Variants in UROC1 observed in about 807,000 individuals in gnomAD.
UROC1 encodes the protein urocanate hydratase.
In UROC1, 79 loss-of-function variants were observed where a neutral mutation model predicts 89.5. The observed-to-expected ratio is 0.88, with a 90% CI of 0.74 to 1.06. The LOEUF is 1.06. Ranked by LOEUF, UROC1 falls within the 50% of genes least tolerant of loss-of-function variation. The probability of loss-of-function intolerance (pLI) is 0.00; values close to 1 mark genes in which losing one functional copy is unlikely to be tolerated. For synonymous variants in UROC1, 361 were observed against 354.8 expected, an observed-to-expected ratio of 1.02 and a Z score of -0.20; for missense variants, 885 against 907.8, an observed-to-expected ratio of 0.97 and a Z score of 0.32.
At chr3:126,498,275 G>T in intron 13 of UROC1, 103 bp from the exon 14 acceptor site, 3 of 1,593,314 alleles carry the variant, frequency 1.9e-6, no homozygotes, top group Non-Finnish European at 2.6e-6. Context: ...CCAGAAGTCA[G>T]GTGTGGAACC....
chr3:126,507,721 C>T, intron 6 of UROC1, 21 bp downstream of exon 6: 1 of 1,613,330 alleles, frequency 6.2e-7, no homozygotes, highest in Non-Finnish European at 8.5e-7. Flanking sequence ...ACGGTGTAAA[C>T]AGACTGAAAT....
intron 9 of UROC1, among the ~76,000 whole-genome samples, chr3:126,502,326 A>C (rs944547027): frequency 1.3e-5 from 2 of 149,554 alleles, no homozygotes; most frequent in Admixed American, 1.3e-4. Context: ...GCATGTGTGC[A>C]TGTGTGTTGT....
intron 9 of UROC1, 101 bp from the exon 10 acceptor site, chr3:126,501,381 C>A: frequency 7.0e-7 from 1 of 1,422,280 alleles, no homozygotes; most frequent in South Asian, 1.2e-5. Flanking sequence ...ACCCAGGAGG[C>A]CACCAGAGGT....
At chr3:126,485,746 C>G (rs1472151036) in intron 18 of UROC1, among the ~76,000 whole-genome samples, 1 of 151,066 alleles carries the variant, frequency 6.6e-6, no homozygotes, top group African/African-American at 2.4e-5. Flanking sequence ...TGGTGGTGCA[C>G]GCCTATACAA....
In UROC1 at chr3:126,504,095, A is replaced by C; in HGVS notation, c.814-12T>G. 6.2e-7 allele frequency: 1 copy of C among 1,611,964 alleles called. No homozygotes were observed. The highest frequency in any genetic ancestry group is 1.4e-5 in the African/African-American group (1 of 73,374). Reference sequence around the variant, plus strand: ...GCTGCTTTATCCACCTGGGGCCATGAGACATGGGGCCACGAGACATGGGGC... The same window carrying C: ...GCTGCTTTATCCACCTGGGGCCATGCGACATGGGGCCACGAGACATGGGGC... On this transcript the variant is annotated splice_polypyrimidine_tract_variant and intron_variant, in intron 8 of 19. Coordinates refer to ENST00000290868, the MANE Select transcript of UROC1 (RefSeq NM_144639.3).
intron 9 of UROC1, among the ~76,000 whole-genome samples, chr3:126,503,560 C>T (rs1157333889): frequency 1.3e-5 from 2 of 152,238 alleles, no homozygotes; most frequent in Non-Finnish European, 2.9e-5. Context: ...GCCTCACAGG[C>T]TCGCCACTGC....
At chr3:126,497,899 C>A in intron 14 of UROC1, 152 bp downstream of exon 14, 1 of 1,352,692 alleles carries the variant, frequency 7.4e-7, no homozygotes, top group Non-Finnish European at 1.0e-6. Flanking sequence ...CTTTGTGTTG[C>A]CAGCTGAGCA....
At chr3:126,508,330 A>G (rs1936117469) in intron 4 of UROC1, 86 bp downstream of exon 4, 1 of 1,454,746 alleles carries the variant, frequency 6.9e-7, no homozygotes, top group Non-Finnish European at 9.6e-7. Flanking sequence ...CTGCATCCTG[A>G]GCTGTGGGTT....
rs1281202632 is a variant in UROC1, at chr3:126,493,811, T to C, written c.1510-1295A>G. 2.6e-5 allele frequency among the ~76,000 whole-genome samples: 4 copies of C among 152,226 alleles called. No homozygotes were observed. The East Asian group carries it at 7.7e-4, about 29-fold the overall frequency. ...GCCCCAAATGTCAGTACGCTGAGGCTGAGAAACCCTGGTTTCTCCAAAGAA... is the reference window on the plus strand; with the variant it reads ...GCCCCAAATGTCAGTACGCTGAGGCCGAGAAACCCTGGTTTCTCCAAAGAA... On this transcript the variant is annotated intron_variant, in intron 15 of 19. Coordinates refer to ENST00000290868, the MANE Select transcript of UROC1 (RefSeq NM_144639.3).
intron 16 of UROC1, among the ~76,000 whole-genome samples, chr3:126,490,215 A>G (rs146235668): frequency 7.0e-4 from 107 of 152,354 alleles, no homozygotes; most frequent in African/African-American, 2.5e-3. Flanking sequence ...TAATACACTC[A>G]TCGGCAGCAC....
chr3:126,493,390 T>A (rs867013554), intron 15 of UROC1, among the ~76,000 whole-genome samples: 1 of 152,250 alleles, frequency 6.6e-6, no homozygotes, highest in African/African-American at 2.4e-5. Flanking sequence ...GGTGCACGGA[T>A]GAACCAAACG....
chr3:126,494,445 G>T (rs1935728720), intron 15 of UROC1, among the ~76,000 whole-genome samples: 1 of 152,158 alleles, frequency 6.6e-6, no homozygotes, highest in South Asian at 2.1e-4. Flanking sequence ...CTTGGCCTTG[G>T]CATCTCTGAC....
chr3:126,492,580 C>T (rs1935680599), intron 15 of UROC1, 64 bp from the exon 16 acceptor site: 2 of 1,321,336 alleles, frequency 1.5e-6, no homozygotes, highest in Non-Finnish European at 2.1e-6. Context: ...ACCTGGGGTG[C>T]AGGGAGACAC....
chr3:126,484,977 C>T (rs1193787839), intron 18 of UROC1, among the ~76,000 whole-genome samples: 1 of 152,228 alleles, frequency 6.6e-6, no homozygotes, highest in Admixed American at 6.5e-5. Context: ...GGCCGCTCAG[C>T]TTCAGGTGAC....
intron 1 of UROC1, among the ~76,000 whole-genome samples, chr3:126,516,694 C>T (rs1397550851): frequency 9.3e-6 from 1 of 108,072 alleles, no homozygotes; most frequent in Non-Finnish European, 1.9e-5. Context: ...CCTCCACCCC[C>T]ACACCCACCA....
intron 14 of UROC1, among the ~76,000 whole-genome samples, chr3:126,496,812 C>A (rs1401919119): frequency 6.6e-6 from 1 of 152,248 alleles, no homozygotes; most frequent in Admixed American, 6.5e-5. Context: ...ATCCCTCACT[C>A]CTGTGACTTC....
chr3:126,497,737 T>C (rs577940103), intron 14 of UROC1, among the ~76,000 whole-genome samples: 3 of 152,304 alleles, frequency 2.0e-5, no homozygotes, highest in African/African-American at 7.2e-5. Flanking sequence ...TTGAGGGGCT[T>C]TCTGTCACTC....
Position 126,504,081 on chromosome 3 carries a change from C to T in UROC1, c.816G>A (p.Val272=). The T allele has an allele frequency of 2.5e-6, 4 of 1,614,044 alleles. No individual in the cohort carries two copies. ...IVGCIGVIAE[V]DKAALEKRHR... The stretch of plus-strand genomic sequence containing the variant: ...GGCGTTTCTCAAGGGCTGCTTTATC[C>T]ACCTGGGGCCATGAGACATGGGGCC... The change falls in exon 9 of 20, where the codon GTG becomes GTA. Residue 272 remains valine, a splice_region_variant and synonymous_variant. Transcript: ENST00000290868.
chr3:126,483,246 TC>T, intron 19 of UROC1, 122 bp downstream of exon 19: 1 of 862,308 alleles, frequency 1.2e-6, no homozygotes, highest in Admixed American at 2.0e-5. Context: ...TGTGCTGTGG[TC>T]ATGAGAGGAA....
Sources: gnomAD v4.1 joint callset for allele counts (sites outside exome capture counted in the v4.1 genomes callset) on GRCh38, gnomAD v4.1.1 for gene constraint, MANE v1.5 for transcripts, NCBI Gene and HGNC (gene_info 2026-07-23, HGNC 2026-07-21) for gene names.